Variants in PTPN9 observed in about 807,000 individuals in gnomAD.
PTPN9 encodes the protein protein tyrosine phosphatase non-receptor type 9.
In PTPN9, 26 loss-of-function variants were observed where a neutral mutation model predicts 69.8. That is an observed-to-expected ratio of 0.37 (90% CI 0.27 to 0.52). PTPN9 has a LOEUF of 0.52. Ranked by LOEUF, PTPN9 falls within the 20% of genes least tolerant of loss-of-function variation. The probability of loss-of-function intolerance (pLI) is 0.91; values close to 1 mark genes in which losing one functional copy is unlikely to be tolerated. For synonymous variants in PTPN9, 274 were observed against 272.5 expected (o/e 1.01, Z -0.05); for missense variants, 549 against 740.3 (o/e 0.74, Z 3.00).
At chr15:75,477,510 G>A (rs538272384) in intron 9 of PTPN9, among the ~76,000 whole-genome samples, 8 of 152,258 alleles carry the variant, frequency 5.3e-5, no homozygotes, top group Admixed American at 3.3e-4. Flanking sequence ...CAGGAGACTC[G>A]CTTGAGCCCT....
intron 1 of PTPN9, among the ~76,000 whole-genome samples, chr15:75,569,510 G>C (rs1400808994): frequency 2.6e-5 from 4 of 151,902 alleles, no homozygotes; most frequent in Non-Finnish European, 5.9e-5. Flanking sequence ...TTCAAGAGCA[G>C]CCTGGCCAAT....
rs143783637 is a variant in PTPN9 at position 75,472,406 on chromosome 15, G to A, written c.1208+1283C>T. ...CCCCGGTGGGGGCAGAGCCTGTAGT[G>A]AGCTGAGATTGCGCCACTGCACTCC... On this transcript the variant is annotated intron_variant, in intron 10 of 12. Coordinates refer to ENST00000618819, the MANE Select transcript of PTPN9 (RefSeq NM_002833.4). Among the ~76,000 whole-genome samples, 806 of 151,986 alleles carry A rather than the reference G, an allele frequency of 5.3e-3. 6 individuals carry two copies. The highest frequency in any genetic ancestry group is 0.019 in the African/African-American group (776 of 41,446).
chr15:75,478,210 A>G (rs976295499), intron 9 of PTPN9, among the ~76,000 whole-genome samples: 2 of 150,676 alleles, frequency 1.3e-5, no homozygotes, highest in Non-Finnish European at 2.9e-5. Flanking sequence ...GGTTCAAGCG[A>G]TTCTCCTGCC....
intron 9 of PTPN9, among the ~76,000 whole-genome samples, chr15:75,475,301 C>G (rs1177050341): frequency 6.6e-6 from 1 of 152,082 alleles, no homozygotes; most frequent in African/African-American, 2.4e-5. Context: ...AGTAACCGGC[C>G]GGGCGCAGGG....
intron 9 of PTPN9, among the ~76,000 whole-genome samples, chr15:75,475,016 C>T (rs143162610): frequency 2.4e-4 from 36 of 152,296 alleles, no homozygotes; most frequent in South Asian, 1.0e-3. Flanking sequence ...CTCTGACCAC[C>T]GCATTCCTTG....
chr15:75,561,555 A>G (rs572160976), intron 1 of PTPN9, among the ~76,000 whole-genome samples: 2 of 152,166 alleles, frequency 1.3e-5, no homozygotes, highest in East Asian at 3.9e-4. Context: ...TGAGAGATTA[A>G]ACTGTATATA....
At chr15:75,529,144 G>A (rs1357746976) in intron 1 of PTPN9, among the ~76,000 whole-genome samples, 2 of 151,760 alleles carry the variant, frequency 1.3e-5, no homozygotes, top group Admixed American at 6.6e-5. Context: ...ACACCACCAC[G>A]CCTGGCTAAT....
intron 10 of PTPN9, 128 bp from the exon 11 acceptor site, chr15:75,470,958 T>C: frequency 6.1e-6 from 7 of 1,153,188 alleles, no homozygotes; most frequent in Non-Finnish European, 8.5e-6. Context: ...ACTTACACCA[T>C]TGATTCTCAG....
chr15:75,505,157 C>A (rs1294122458), intron 7 of PTPN9, among the ~76,000 whole-genome samples: 1 of 151,354 alleles, frequency 6.6e-6, no homozygotes, highest in African/African-American at 2.4e-5. Flanking sequence ...GGTGACCTTA[C>A]CCCCAACCCT....
chr15:75,490,173 C>T (rs973430104), intron 8 of PTPN9, 35 bp downstream of exon 8: 3 of 1,462,948 alleles, frequency 2.1e-6, no homozygotes, highest in Non-Finnish European at 2.9e-6. Context: ...CTATTTCCCC[C>T]AGTGCACCTA....
intron 1 of PTPN9, among the ~76,000 whole-genome samples, chr15:75,534,886 T>C (rs1338895723): frequency 1.3e-5 from 2 of 150,680 alleles, no homozygotes; most frequent in African/African-American, 4.9e-5. Flanking sequence ...TGCGGGAGAA[T>C]AGCTTGAACC....
At chr15:75,569,763 T>A (rs2075141057) in intron 1 of PTPN9, among the ~76,000 whole-genome samples, 1 of 151,882 alleles carries the variant, frequency 6.6e-6, no homozygotes, top group South Asian at 2.1e-4. Flanking sequence ...TAGGTTGGGT[T>A]CCTTAGAGAA....
intron 8 of PTPN9, among the ~76,000 whole-genome samples, chr15:75,486,674 G>C (rs762833146): frequency 1.3e-5 from 2 of 151,700 alleles, no homozygotes; most frequent in African/African-American, 4.8e-5. Flanking sequence ...TAAAAAACCT[G>C]AATCCTCCAA....
At chr15:75,504,789 G>A (rs2074807218) in intron 7 of PTPN9, among the ~76,000 whole-genome samples, 1 of 145,846 alleles carries the variant, frequency 6.9e-6, no homozygotes, top group Non-Finnish European at 1.5e-5. Context: ...GCCCCGTCCG[G>A]GAGGGAGGTG....
intron 1 of PTPN9, among the ~76,000 whole-genome samples, chr15:75,549,413 C>A (rs1049571147): frequency 1.4e-4 from 22 of 151,898 alleles, no homozygotes; most frequent in African/African-American, 4.4e-4. Flanking sequence ...GTTGCCCAAG[C>A]TGGTCTCTTA....
At chr15:75,504,430 TGGG>T (rs2074801945) in intron 7 of PTPN9, among the ~76,000 whole-genome samples, 1 of 105,540 alleles carries the variant, frequency 9.5e-6, no homozygotes, top group African/African-American at 3.8e-5. Context: ...GGGAGGGAGG[TGGG>T]GGGATCAGCC....
At chr15:75,504,012 C>T (rs1292490608) in intron 7 of PTPN9, among the ~76,000 whole-genome samples, 2 of 137,768 alleles carry the variant, frequency 1.5e-5, no homozygotes, top group East Asian at 2.3e-4. Flanking sequence ...GCCAGCCGCC[C>T]CGTCCGGGAG....
In PTPN9 at chr15:75,467,264, A is replaced by C. The variant is rs1221153369; in HGVS notation, c.*1505T>G. 1 of 152,692 alleles carries C rather than the reference A, an allele frequency of 6.5e-6. No individual in the cohort carries two copies. Among genetic ancestry groups the C allele is most frequent in the Non-Finnish European group, 1.5e-5 (1 of 68,046 alleles). 9.5% of individuals were successfully genotyped at this position (152,692 alleles called of 1,614,324 possible). On this transcript the variant is annotated 3_prime_UTR_variant, in exon 13 of 13. Coordinates refer to ENST00000618819, the MANE Select transcript of PTPN9 (RefSeq NM_002833.4). ...AAATGAAATGATTGTAAAAAATAAT[A>C]ATATACACATTCAAAGAGCTTATTA...
chr15:75,507,446 CAAAAAA>C (rs762520293), intron 6 of PTPN9, among the ~76,000 whole-genome samples: 1 of 89,182 alleles, frequency 1.1e-5, no homozygotes. Flanking sequence ...AACTCTGTCG[CAAAAAA>C]AAAAAAAAAA....
Sources: allele counts gnomAD v4.1 joint callset (sites outside exome capture counted in the v4.1 genomes callset), GRCh38; gene constraint gnomAD v4.1.1; transcripts MANE v1.5; gene names NCBI Gene and HGNC (gene_info 2026-07-23, HGNC 2026-07-21).